ZNF521: variants seen among roughly 807,000 people sequenced by gnomAD.
ZNF521 encodes the protein zinc finger protein 521, also known as LYST-interacting protein 3.
A neutral mutation model predicts 105.5 loss-of-function variants in ZNF521; 14 were observed. That is an observed-to-expected ratio of 0.13 (90% CI 0.09 to 0.21). ZNF521 has a LOEUF of 0.21. Ranked by LOEUF, ZNF521 falls within the 10% of genes least tolerant of loss-of-function variation. ZNF521 has a pLI of 1.00. For synonymous variants in ZNF521, 635 were observed against 606.0 expected, an observed-to-expected ratio of 1.05 and a Z score of -0.70; for missense variants, 1,233 against 1,629.7, an observed-to-expected ratio of 0.76 and a Z score of 4.19.
At chr18:25,276,232 C>T (rs763944559) in intron 3 of ZNF521, among the ~76,000 whole-genome samples, 1 of 152,086 alleles carries the variant, frequency 6.6e-6, no homozygotes, top group Non-Finnish European at 1.5e-5. Context: ...CCCCTCCACC[C>T]ACCCCAGACA....
intron 4 of ZNF521, among the ~76,000 whole-genome samples, chr18:25,210,128 A>AT (rs1285120541): frequency 2.0e-5 from 3 of 151,896 alleles, no homozygotes; most frequent in African/African-American, 7.3e-5. Context: ...TATATAAATG[A>AT]TTTATCACAT....
intron 4 of ZNF521, among the ~76,000 whole-genome samples, chr18:25,198,821 A>G (rs1014361568): frequency 4.6e-5 from 7 of 151,980 alleles, no homozygotes; most frequent in African/African-American, 1.7e-4. Context: ...TGCAATGCCA[A>G]ATAAAATGGT....
At chr18:25,347,682 T>G (rs1185935509) in intron 2 of ZNF521, among the ~76,000 whole-genome samples, 1 of 152,178 alleles carries the variant, frequency 6.6e-6, no homozygotes, top group Non-Finnish European at 1.5e-5. Context: ...GGTACTAAAT[T>G]ATGAGAATTC....
chr18:25,093,667 C>T (rs948236670), intron 5 of ZNF521, among the ~76,000 whole-genome samples: 1 of 152,120 alleles, frequency 6.6e-6, no homozygotes, highest in East Asian at 1.9e-4. Flanking sequence ...TTAAGCCACC[C>T]AGTACTGTCT....
chr18:25,089,392 G>T, intron 7 of ZNF521, 73 bp downstream of exon 7: 2 of 1,184,334 alleles, frequency 1.7e-6, no homozygotes, highest in Non-Finnish European at 2.5e-6. Flanking sequence ...TGTGAATCCA[G>T]ATTTAAAATG....
chr18:25,152,478 CAA>C (rs529986628), intron 5 of ZNF521, among the ~76,000 whole-genome samples: 1 of 89,462 alleles, frequency 1.1e-5, no homozygotes, highest in Non-Finnish European at 2.4e-5. Context: ...GACTCGGTCT[CAA>C]AAAAAAAAAA....
In ZNF521 at chr18:25,313,938, A is replaced by G. The variant is rs964613264; in HGVS notation, c.220+8070T>C. On this transcript the variant is annotated intron_variant, in intron 3 of 7. Transcript: ENST00000361524. The stretch of plus-strand genomic sequence containing the variant: ...AAAGACATACTTTAGGTACAAAATG[A>G]GGAACTGATCAAAATGGAAGGAAAC... Among the ~76,000 whole-genome samples the G allele has an allele frequency of 2.8e-4, 43 of 152,182 alleles. 2 individuals carry two copies.
At chr18:25,207,822 G>C (rs2036109881) in intron 4 of ZNF521, among the ~76,000 whole-genome samples, 1 of 152,114 alleles carries the variant, frequency 6.6e-6, no homozygotes, top group Non-Finnish European at 1.5e-5. Flanking sequence ...CACTGAAAAA[G>C]TTCTGCATAA....
At chr18:25,074,075 CGT>C (rs1567949600) in intron 7 of ZNF521, among the ~76,000 whole-genome samples, 44 of 152,118 alleles carry the variant, frequency 2.9e-4, no homozygotes, top group African/African-American at 1.0e-3. Context: ...CGCGTGTGTG[CGT>C]GCGTGTGTGC....
chr18:25,179,478 G>A (rs953528164), intron 5 of ZNF521, among the ~76,000 whole-genome samples: 8 of 151,918 alleles, frequency 5.3e-5, no homozygotes, highest in African/African-American at 1.7e-4. Context: ...GTGTGTTTAC[G>A]TGTGTGCATG....
At chr18:25,259,657 T>C (rs1205070992) in intron 3 of ZNF521, among the ~76,000 whole-genome samples, 1 of 151,984 alleles carries the variant, frequency 6.6e-6, no homozygotes, top group African/African-American at 2.4e-5. Flanking sequence ...CATTGGGCAA[T>C]AAAGATCTGT....
At chr18:25,323,153 A>G (rs1455219957) in intron 2 of ZNF521, among the ~76,000 whole-genome samples, 2 of 152,106 alleles carry the variant, frequency 1.3e-5, no homozygotes. Flanking sequence ...TAATGGGATA[A>G]TACAATCAGT....
At chr18:25,217,505 G>C (rs940158361) in intron 4 of ZNF521, among the ~76,000 whole-genome samples, 4 of 152,160 alleles carry the variant, frequency 2.6e-5, no homozygotes, top group Admixed American at 2.6e-4. Flanking sequence ...AGAGGAAAAC[G>C]TTTCAGGAGA....
chr18:25,351,883 G>GGCGGCAGCGGCGGCAGCA, intron 1 of ZNF521, 122 bp downstream of exon 1: 1 of 274,786 alleles, frequency 3.6e-6, no homozygotes, highest in Non-Finnish European at 7.3e-6. Flanking sequence ...CGGCAGCGGC[G>GGCGGCAGCGGCGGCAGCA]GCGGCAGCAG....
chr18:25,218,486 A>T (rs1905481387), intron 4 of ZNF521, among the ~76,000 whole-genome samples: 1 of 148,548 alleles, frequency 6.7e-6, no homozygotes, highest in Admixed American at 6.7e-5. Context: ...GCCTACTAAA[A>T]AAAAAAAAAA....
At chr18:25,269,663 A>G (rs1909512298) in intron 3 of ZNF521, among the ~76,000 whole-genome samples, 1 of 152,206 alleles carries the variant, frequency 6.6e-6, no homozygotes. Flanking sequence ...ACTACATGGA[A>G]ACTGAACAAC....
intron 5 of ZNF521, among the ~76,000 whole-genome samples, chr18:25,141,863 T>A (rs2034854369): frequency 6.6e-6 from 1 of 152,160 alleles, no homozygotes; most frequent in Admixed American, 6.5e-5. Context: ...AACATCACCA[T>A]ACGACTGTCG....
intron 5 of ZNF521, among the ~76,000 whole-genome samples, chr18:25,194,923 T>A (rs2035877902): frequency 6.6e-6 from 1 of 151,708 alleles, no homozygotes; most frequent in Admixed American, 6.6e-5. Flanking sequence ...GTTAATCACC[T>A]GTGTTTTGAC....
chr18:25,341,066 T>C (rs904559239), intron 2 of ZNF521, among the ~76,000 whole-genome samples: 1 of 152,176 alleles, frequency 6.6e-6, no homozygotes, highest in Non-Finnish European at 1.5e-5. Context: ...ACCATCACCA[T>C]TCATTCCAGT....
Sources: gnomAD v4.1 joint callset for allele counts (sites outside exome capture counted in the v4.1 genomes callset) on GRCh38, gnomAD v4.1.1 for gene constraint, MANE v1.5 for transcripts, NCBI Gene and HGNC (gene_info 2026-07-23, HGNC 2026-07-21) for gene names.